Variants in PDZD2 observed in about 807,000 individuals in gnomAD.
PDZD2 encodes the protein PDZ domain-containing protein 2.
Under a neutral mutation model 220.7 loss-of-function variants are expected in PDZD2, and 90 were observed. That is an observed-to-expected ratio of 0.41 (90% CI 0.34 to 0.49). The LOEUF (loss-of-function observed/expected upper bound fraction) is 0.49. Among genes scored for constraint, PDZD2 ranks in the 20% least tolerant of loss-of-function variants. The pLI is 0.28. For missense variants in PDZD2, 3,174 were observed against 3,608.5 expected, an observed-to-expected ratio of 0.88 and a Z score of 3.08; for synonymous variants, 1,375 against 1,450.5, an observed-to-expected ratio of 0.95 and a Z score of 1.18.
chr5:31,856,759 C>A (rs1758480400), intron 2 of PDZD2, among the ~76,000 whole-genome samples: 1 of 152,068 alleles, frequency 6.6e-6, no homozygotes, highest in South Asian at 2.1e-4. Flanking sequence ...TACCTGCTCT[C>A]CCCTTTTGCC....
intron 3 of PDZD2, among the ~76,000 whole-genome samples, chr5:31,991,478 C>T (rs1305298141): frequency 1.3e-5 from 2 of 152,058 alleles, no homozygotes; most frequent in Non-Finnish European, 1.5e-5. Flanking sequence ...TCATCTTTAG[C>T]CTGAGTAGAG....
intron 2 of PDZD2, among the ~76,000 whole-genome samples, chr5:31,921,575 G>A (rs189155835): frequency 3.1e-4 from 47 of 152,108 alleles, no homozygotes; most frequent in African/African-American, 9.6e-4. Context: ...CTGCGGTCCC[G>A]GGTACTCAGG....
At chr5:31,651,953 GGGATTATAGGTGC>G (rs1745366560) in intron 1 of PDZD2, among the ~76,000 whole-genome samples, 1 of 148,260 alleles carries the variant, frequency 6.7e-6, no homozygotes, top group South Asian at 2.1e-4. Context: ...CTGAATAGCT[GGGATTATAGGTGC>G]GCACCACCAT....
chr5:31,818,131 G>A (rs1222695178), intron 2 of PDZD2, among the ~76,000 whole-genome samples: 1 of 151,946 alleles, frequency 6.6e-6, no homozygotes, highest in African/African-American at 2.4e-5. Context: ...CACAAGGCCT[G>A]GCTAATGTTT....
At chr5:31,819,866 G>A (rs753242522) in intron 2 of PDZD2, among the ~76,000 whole-genome samples, 4 of 151,994 alleles carry the variant, frequency 2.6e-5, no homozygotes, top group Non-Finnish European at 5.9e-5. Flanking sequence ...TGTTTTTCTC[G>A]CAGCTTCACA....
intron 1 of PDZD2, among the ~76,000 whole-genome samples, chr5:31,792,750 G>A (rs538820372): frequency 6.6e-6 from 1 of 151,906 alleles, no homozygotes; most frequent in Non-Finnish European, 1.5e-5. Flanking sequence ...GCCTATAAAA[G>A]GGGGAATACT....
rs373287928 is a variant in PDZD2, at chr5:32,088,809, A to G, written c.5361A>G (p.Leu1787=). 28 of 1,613,916 alleles carry G rather than the reference A, an allele frequency of 1.7e-5. No individual in the cohort carries two copies. The highest frequency in any genetic ancestry group is 6.7e-5 in the Admixed American group (4 of 59,994). The change falls in exon 20 of 25, where the codon CTA becomes CTG. Residue 1787 remains leucine (L), a synonymous_variant. Transcript: ENST00000438447. The surrounding 1 kb of genome is among the most constrained non-coding windows in gnomAD (Gnocchi z 4.6). The part of the protein sequence containing the change: ...ISESQDLDDL[L]QKPKMIARRP... ...AAAGTCAAGACCTGGATGACTTGCT[A>G]CAGAAACCAAAAATGATCGCTAGGA...
At chr5:31,820,518 T>C (rs774508353) in intron 2 of PDZD2, 2 of 152,250 alleles carry the variant, frequency 1.3e-5, no homozygotes, top group African/African-American at 4.8e-5. Flanking sequence ...TCTGTCAGTG[T>C]TAACACGGCA....
intron 1 of PDZD2, among the ~76,000 whole-genome samples, chr5:31,763,618 T>C (rs1311512680): frequency 6.6e-6 from 1 of 152,050 alleles, no homozygotes; most frequent in Non-Finnish European, 1.5e-5. Context: ...TGTGACGTCA[T>C]CAAGAAAGCA....
At position 32,052,699 on chromosome 5, in the gene PDZD2, C is replaced by T. The variant is rs1345969308; in HGVS notation, c.1754C>T (p.Ser585Leu). The change falls in exon 9 of 25, where the codon TCG becomes TTG. Residue 585 changes from serine (S) to leucine (L), a missense_variant. Around this residue, in one of 4 missense-constraint regions of PDZD2, gnomAD observed 50 missense variants for 109.5 expected, o/e 0.46. Transcript: ENST00000438447. ...AGGCTCATTCGGCCATCCGTCATCT[C>T]GATCATTGGGTTGTACAAAGAAAAA... ...PWRLIRPSVISIIGLYKEKGK... is the reference protein window; with the variant it reads ...PWRLIRPSVILIIGLYKEKGK... 8.7e-6 allele frequency: 14 copies of T among 1,613,816 alleles called. No homozygotes were observed. Among genetic ancestry groups the T allele is most frequent in the Admixed American group, 3.3e-5 (2 of 60,002 alleles).
At chr5:31,879,976 C>T (rs558810824) in intron 2 of PDZD2, among the ~76,000 whole-genome samples, 34 of 149,144 alleles carry the variant, frequency 2.3e-4, no homozygotes, top group African/African-American at 7.2e-4. Flanking sequence ...TGCAATGGCA[C>T]GATCTCAGCT....
intron 1 of PDZD2, among the ~76,000 whole-genome samples, chr5:31,709,489 A>AAAAAT (rs1477161467): frequency 8.1e-6 from 1 of 122,996 alleles, no homozygotes; most frequent in Non-Finnish European, 1.7e-5. Context: ...TCTCAGGAAA[A>AAAAAT]AAAATAAAAT....
intron 14 of PDZD2, among the ~76,000 whole-genome samples, chr5:32,068,800 TACTC>T (rs1225282877): frequency 1.3e-5 from 2 of 151,956 alleles, no homozygotes; most frequent in Non-Finnish European, 2.9e-5. Flanking sequence ...GTCTGCAACT[TACTC>T]ACAAATGGTT....
At chr5:32,105,318 T>C (rs1239212197) in intron 24 of PDZD2, among the ~76,000 whole-genome samples, 3 of 152,158 alleles carry the variant, frequency 2.0e-5, no homozygotes, top group African/African-American at 7.2e-5. Context: ...GGATGAAAAT[T>C]AGAAATATTA....
At chr5:31,825,361 C>CA (rs1039935962) in intron 2 of PDZD2, among the ~76,000 whole-genome samples, 2 of 152,184 alleles carry the variant, frequency 1.3e-5, no homozygotes, top group Non-Finnish European at 2.9e-5. Flanking sequence ...GGATGAAAGA[C>CA]AGTGTCCCCA....
chr5:32,098,011 T>C lies in PDZD2; in HGVS notation c.7948-353T>C, dbSNP rs1012728246. ...GCTCACGCCTGTAATCCCAGCACTT[T>C]GGGAGGTCGAGGCGGGTGGATCACC... On this transcript the variant is annotated intron_variant, in intron 22 of 24. Coordinates refer to ENST00000438447, the MANE Select transcript of PDZD2 (RefSeq NM_178140.4). The surrounding 1 kb of genome is among the most constrained non-coding windows in gnomAD (Gnocchi z 4.1). 1.3e-5 allele frequency among the ~76,000 whole-genome samples: 2 copies of C among 152,182 alleles called. No homozygotes were observed. The highest frequency in any genetic ancestry group is 1.9e-4 in the East Asian group (1 of 5,198).
chr5:31,981,629 C>T (rs1032281674), intron 2 of PDZD2, among the ~76,000 whole-genome samples: 16 of 152,194 alleles, frequency 1.1e-4, no homozygotes, highest in Admixed American at 8.5e-4. Flanking sequence ...TAGCCCCAGG[C>T]TTTTGCTGCG....
At chr5:31,766,764 CTT>C (rs2150193234) in intron 1 of PDZD2, among the ~76,000 whole-genome samples, 1 of 148,004 alleles carries the variant, frequency 6.8e-6, no homozygotes, top group African/African-American at 2.5e-5. Flanking sequence ...GAGTTTCGCT[CTT>C]GTCTCCCAGG....
intron 6 of PDZD2, among the ~76,000 whole-genome samples, chr5:32,033,683 G>A (rs1025367993): frequency 1.3e-5 from 2 of 151,312 alleles, no homozygotes; most frequent in Admixed American, 6.6e-5. Context: ...GCAGTGGCGC[G>A]ATCTCGGCTC....
Sources: gnomAD v4.1 joint callset for allele counts (sites outside exome capture counted in the v4.1 genomes callset) on GRCh38, gnomAD v4.1.1 for gene constraint, gnomAD v4.1.1 regional missense constraint, Gnocchi (gnomAD v3.1) non-coding constraint, MANE v1.5 for transcripts, NCBI Gene and HGNC (gene_info 2026-07-23, HGNC 2026-07-21) for gene names.